Variants in SLC24A2 observed in about 807,000 individuals in gnomAD.
SLC24A2 encodes the protein solute carrier family 24 member 2.
SLC24A2 carries 36 observed loss-of-function variants against 62.0 expected under a neutral mutation model. That is an observed-to-expected ratio of 0.58 (90% CI 0.44 to 0.77). SLC24A2 has a LOEUF of 0.77. Among genes scored for constraint, SLC24A2 ranks in the 30% least tolerant of loss-of-function variants. The probability of loss-of-function intolerance (pLI) is 0.00; values close to 1 mark genes in which losing one functional copy is unlikely to be tolerated. For missense variants in SLC24A2, 846 were observed against 817.9 expected (o/e 1.03, Z -0.42); for synonymous variants, 358 against 294.0 (o/e 1.22, Z -2.23).
chr9:19,602,066 G>A (rs572682673), intron 4 of SLC24A2, among the ~76,000 whole-genome samples: 79 of 152,334 alleles, frequency 5.2e-4, no homozygotes, highest in African/African-American at 1.7e-3. Flanking sequence ...AGGAGATCTT[G>A]TAGCACAGTG....
At chr9:20,147,431 T>C in the SLC24A2 span, among the ~76,000 whole-genome samples, 2 of 152,154 alleles carry the variant, frequency 1.3e-5, no homozygotes. Context: ...TAATTATGCC[T>C]TGATTGGTTT....
chr9:19,840,788 G>A, the SLC24A2 span, among the ~76,000 whole-genome samples: 2 of 151,988 alleles, frequency 1.3e-5, no homozygotes, highest in Non-Finnish European at 2.9e-5. Context: ...CCCTCTCTCT[G>A]ATTTTTATCA....
chr9:19,910,449 C>T, the SLC24A2 span, among the ~76,000 whole-genome samples: 24 of 152,238 alleles, frequency 1.6e-4, no homozygotes, highest in South Asian at 8.3e-4. Context: ...CAGACTGAGG[C>T]TATAGAGTTC....
chr9:19,900,312 C>T, the SLC24A2 span, among the ~76,000 whole-genome samples: 1 of 152,202 alleles, frequency 6.6e-6, no homozygotes, highest in African/African-American at 2.4e-5. Context: ...GAATTTTTCA[C>T]TGCGGAAAAT....
chr9:19,760,113 G>T (rs1822273949), intron 2 of SLC24A2, among the ~76,000 whole-genome samples: 2 of 151,980 alleles, frequency 1.3e-5, no homozygotes, highest in Admixed American at 1.3e-4. Flanking sequence ...TGAGAAAATA[G>T]AAACAAAAAG....
chr9:19,763,513 G>A (rs1194492827), intron 2 of SLC24A2, among the ~76,000 whole-genome samples: 1 of 150,914 alleles, frequency 6.6e-6, no homozygotes, highest in Non-Finnish European at 1.5e-5. Context: ...TTTATGGAGT[G>A]AAGCATGAAG....
At chr9:19,666,712 T>G (rs10964247) in intron 2 of SLC24A2, among the ~76,000 whole-genome samples, 15,348 of 152,206 alleles carry the variant, frequency 0.1, 1,376 homozygotes, top group African/African-American at 0.24. Context: ...GCAGCTTTTT[T>G]TTCCCCTGTC....
chr9:19,932,588 T>C, the SLC24A2 span, among the ~76,000 whole-genome samples: 2 of 152,194 alleles, frequency 1.3e-5, no homozygotes, highest in Non-Finnish European at 2.9e-5. Flanking sequence ...CTCACGGTTA[T>C]GAGAATTTAC....
the SLC24A2 span, among the ~76,000 whole-genome samples, chr9:19,931,571 A>G: frequency 6.6e-6 from 1 of 152,246 alleles, no homozygotes; most frequent in African/African-American, 2.4e-5. Context: ...ACAATAGAAC[A>G]TCTAAATTGA....
intron 2 of SLC24A2, among the ~76,000 whole-genome samples, chr9:19,771,788 G>T (rs1421099136): frequency 6.6e-6 from 1 of 152,206 alleles, no homozygotes; most frequent in African/African-American, 2.4e-5. Flanking sequence ...TGCTAGACAA[G>T]GACAGAGTAG....
At chr9:20,212,786 A>T in the SLC24A2 span, among the ~76,000 whole-genome samples, 1 of 151,282 alleles carries the variant, frequency 6.6e-6, no homozygotes, top group African/African-American at 2.5e-5. Flanking sequence ...TGTATATAAA[A>T]TATGTGTAAA....
the SLC24A2 span, among the ~76,000 whole-genome samples, chr9:20,176,631 A>G: frequency 6.6e-6 from 1 of 152,114 alleles, no homozygotes; most frequent in Non-Finnish European, 1.5e-5. Flanking sequence ...ATGAAGATGC[A>G]TAAGTTTTAT....
intron 2 of SLC24A2, among the ~76,000 whole-genome samples, chr9:19,723,799 C>T (rs1353947571): frequency 2.0e-5 from 3 of 151,842 alleles, no homozygotes; most frequent in African/African-American, 7.3e-5. Context: ...ATTTGCAACT[C>T]AAAAAGTTTT....
chr9:20,055,061 A>C, the SLC24A2 span, among the ~76,000 whole-genome samples: 1 of 151,890 alleles, frequency 6.6e-6, no homozygotes, highest in African/African-American at 2.4e-5. Context: ...TATGACAAGC[A>C]AAAAAAGGAG....
the SLC24A2 span, among the ~76,000 whole-genome samples, chr9:20,168,632 C>T: frequency 6.6e-6 from 1 of 151,826 alleles, no homozygotes; most frequent in African/African-American, 2.4e-5. Context: ...TAGGGAAATA[C>T]AAATAAAACT....
At chr9:19,748,697 T>G (rs77040882) in intron 2 of SLC24A2, among the ~76,000 whole-genome samples, 113 of 105,820 alleles carry the variant, frequency 1.1e-3, no homozygotes, top group Admixed American at 2.7e-3. Flanking sequence ...TTTGTTTGTT[T>G]GTTGGTTGGT....
the SLC24A2 span, among the ~76,000 whole-genome samples, chr9:20,151,797 A>T: frequency 6.6e-6 from 1 of 151,706 alleles, no homozygotes; most frequent in Non-Finnish European, 1.5e-5. Flanking sequence ...TTGCTAAAGG[A>T]ACTCTCCCAC....
the SLC24A2 span, among the ~76,000 whole-genome samples, chr9:20,163,191 G>C: frequency 6.6e-6 from 1 of 152,112 alleles, no homozygotes. Flanking sequence ...AAGTCAAATT[G>C]TCCCTGTTTG....
At chr9:20,038,976 T>C in the SLC24A2 span, among the ~76,000 whole-genome samples, 1 of 152,210 alleles carries the variant, frequency 6.6e-6, no homozygotes, top group Non-Finnish European at 1.5e-5. Flanking sequence ...AATGGATGCG[T>C]CTTAAATAGA....
Sources: allele counts gnomAD v4.1 joint callset (sites outside exome capture counted in the v4.1 genomes callset), GRCh38; gene constraint gnomAD v4.1.1; transcripts MANE v1.5; gene names NCBI Gene and HGNC (gene_info 2026-07-23, HGNC 2026-07-21).